Variants in ITSN1 observed in about 807,000 individuals in gnomAD.
The protein encoded by ITSN1 is intersectin-1.
Under a neutral mutation model 239.8 loss-of-function variants are expected in ITSN1, and 58 were observed. The observed-to-expected ratio is 0.24, with a 90% CI of 0.20 to 0.30. The LOEUF (loss-of-function observed/expected upper bound fraction) is 0.30. Ranked by LOEUF, ITSN1 falls within the 10% of genes least tolerant of loss-of-function variation. The pLI is 1.00. For missense variants in ITSN1, 1,558 were observed against 2,103.3 expected (o/e 0.74, Z 5.07); for synonymous variants, 780 against 770.8 (o/e 1.01, Z -0.20).
intron 1 of ITSN1, among the ~76,000 whole-genome samples, chr21:33,659,914 G>T (rs1287310519): frequency 1.3e-5 from 2 of 151,646 alleles, no homozygotes; most frequent in African/African-American, 4.8e-5. Context: ...GTAGAGATGG[G>T]ATCTCACTGG....
intron 1 of ITSN1, among the ~76,000 whole-genome samples, chr21:33,690,902 A>G (rs2146661346): frequency 7.2e-6 from 1 of 139,548 alleles, no homozygotes; most frequent in African/African-American, 2.7e-5. Context: ...TGACTCCATC[A>G]CCCCAATGGG....
Position 33,829,490 on chromosome 21 carries a change from G to T in ITSN1, c.3230-134G>T, listed in dbSNP as rs1019018026. 5.5e-6 allele frequency: 5 copies of T among 913,714 alleles called. No individual in the cohort carries two copies. In the African/African-American group the frequency reaches 6.7e-5, roughly 12 times the overall value. 56.6% of individuals were successfully genotyped at this position (913,714 alleles called of 1,614,324 possible). Reference sequence around the variant, plus strand: ...ACGGGCGATTCAGGGAGCCTTACTCGTTGGGTAGAAATCCAGCTCAATACA... The same window carrying T: ...ACGGGCGATTCAGGGAGCCTTACTCTTTGGGTAGAAATCCAGCTCAATACA... On this transcript the variant is annotated intron_variant, in intron 26 of 39. Transcript: ENST00000381318.
chr21:33,869,430 A>G (rs1384733484), intron 33 of ITSN1, among the ~76,000 whole-genome samples: 2 of 152,254 alleles, frequency 1.3e-5, no homozygotes, highest in Non-Finnish European at 2.9e-5. Flanking sequence ...CGATTCAATT[A>G]TCTCCACCTG....
At chr21:33,752,001 G>A (rs1243236480) in intron 7 of ITSN1, 95 bp downstream of exon 7, 2 of 843,412 alleles carry the variant, frequency 2.4e-6, no homozygotes, top group African/African-American at 1.7e-5. Flanking sequence ...TCTTTTTGTT[G>A]TTGTCATCTT....
In ITSN1 at chr21:33,864,138, G is replaced by T. The variant is rs141874886; in HGVS notation, c.3891-1013G>T. On this transcript the variant is annotated intron_variant, in intron 31 of 39. Coordinates refer to ENST00000381318, the MANE Select transcript of ITSN1 (RefSeq NM_003024.3). ...GAGCTTCCTTGGAATTCAATAGCCC[G>T]CCCCGTACCTCAAAGGCTTCTCCAA... Among the ~76,000 whole-genome samples, 45 of 152,246 alleles carry T rather than the reference G, an allele frequency of 3.0e-4. No individual in the cohort carries two copies. In the East Asian group the frequency reaches 8.3e-3, roughly 28 times the overall value.
chr21:33,825,739 T>C (rs1201163153), intron 25 of ITSN1, among the ~76,000 whole-genome samples: 2 of 152,254 alleles, frequency 1.3e-5, no homozygotes, highest in Non-Finnish European at 2.9e-5. Flanking sequence ...TTCCTTTTTT[T>C]GATATGCAGC....
chr21:33,654,807 T>C (rs1428422366), intron 1 of ITSN1, among the ~76,000 whole-genome samples: 1 of 152,210 alleles, frequency 6.6e-6, no homozygotes, highest in Non-Finnish European at 1.5e-5. Context: ...AGTAACTGTC[T>C]AAAGAGAAGC....
At chr21:33,787,172 T>A (rs1323432592) in intron 16 of ITSN1, among the ~76,000 whole-genome samples, 1 of 152,242 alleles carries the variant, frequency 6.6e-6, no homozygotes, top group African/African-American at 2.4e-5. Context: ...AGGTACTGTA[T>A]ACTGTAGTCT....
At position 33,801,919 on chromosome 21, in the gene ITSN1, G is replaced by A. The variant is rs887183667; in HGVS notation, c.2305-511G>A. 5.9e-5 allele frequency among the ~76,000 whole-genome samples: 9 copies of A among 152,212 alleles called. No homozygotes were observed. The East Asian group carries it at 1.3e-3, about 23-fold the overall frequency. ...TTCACCACCTGCTGTTTCCTACACC[G>A]TGGTTTCTGATAGCCTGAAGCTACT... On this transcript the variant is annotated intron_variant, in intron 19 of 39. Coordinates refer to ENST00000381318, the MANE Select transcript of ITSN1 (RefSeq NM_003024.3).
At chr21:33,712,977 A>G (rs112707962) in intron 1 of ITSN1, among the ~76,000 whole-genome samples, 2,926 of 152,106 alleles carry the variant, frequency 0.019, 60 homozygotes, top group African/African-American at 0.052. Context: ...TCCTGGGTTC[A>G]AGCGATTCTT....
At chr21:33,753,113 G>A (rs903642120) in intron 7 of ITSN1, among the ~76,000 whole-genome samples, 3 of 152,172 alleles carry the variant, frequency 2.0e-5, no homozygotes, top group Non-Finnish European at 2.9e-5. Flanking sequence ...GCAACAGAAC[G>A]TAACTCATAA....
intron 21 of ITSN1, among the ~76,000 whole-genome samples, chr21:33,811,772 A>T (rs192687086): frequency 2.6e-5 from 4 of 152,342 alleles, no homozygotes; most frequent in Admixed American, 1.3e-4. Context: ...ATGGCATTTT[A>T]AAAACTGTGT....
Position 33,672,717 on chromosome 21 carries a change from T to TC in ITSN1, c.-33+30004_-33+30005insC, listed in dbSNP as rs910864534. Among the ~76,000 whole-genome samples the TC allele has an allele frequency of 5.9e-5, 9 of 151,644 alleles. No individual in the cohort carries two copies. The South Asian group carries it at 1.5e-3, about 25-fold the overall frequency. ...CAATAGACAAGATATGGAAACGATT[T>TC]TTTTTTTTTTTTTGAGACGGAGTCT... On this transcript the variant is annotated intron_variant, in intron 1 of 39. Coordinates refer to ENST00000381318, the MANE Select transcript of ITSN1 (RefSeq NM_003024.3).
intron 31 of ITSN1, among the ~76,000 whole-genome samples, chr21:33,860,289 G>A (rs954860876): frequency 3.3e-5 from 5 of 150,522 alleles, no homozygotes; most frequent in Admixed American, 2.6e-4. Flanking sequence ...CCTGGGCCAC[G>A]GGAGTGAAAC....
intron 1 of ITSN1, among the ~76,000 whole-genome samples, chr21:33,676,916 A>G (rs926042858): frequency 2.0e-5 from 3 of 151,862 alleles, no homozygotes; most frequent in Admixed American, 6.6e-5. Flanking sequence ...ACAGAAAACC[A>G]AACACTGCAT....
Position 33,885,672 on chromosome 21 carries a change from C to T in ITSN1, c.4843+150C>T, listed in dbSNP as rs12626891. On this transcript the variant is annotated intron_variant, in intron 38 of 39. Transcript: ENST00000381318. ...TGGTTTAACTAGCACTTGTTAAAAA[C>T]CTGGAGGTTTTGTGTTTTTTTTTCC... 1,263 of 631,584 alleles carry T rather than the reference C, an allele frequency of 2.0e-3. 19 individuals carry two copies. In the East Asian group the frequency reaches 0.03, roughly 15 times the overall value. The allele number at this position is 631,584 out of a possible 1,614,324, so 39.1% of individuals were successfully genotyped here. A position where few individuals can be genotyped will look rare whatever the true frequency, so the allele number is the denominator to read the frequency against.
intron 24 of ITSN1, 80 bp downstream of exon 24, chr21:33,819,403 C>T: frequency 4.9e-6 from 5 of 1,012,218 alleles, no homozygotes; most frequent in Non-Finnish European, 7.7e-6. Context: ...TGAATTTCAT[C>T]TTAAGATAGA....
intron 24 of ITSN1, 139 bp from the exon 25 acceptor site, chr21:33,823,348 G>T: frequency 1.4e-6 from 1 of 727,216 alleles, no homozygotes; most frequent in Non-Finnish European, 2.3e-6. Flanking sequence ...CTGCAGCTCT[G>T]TATTTTATCT....
At chr21:33,799,721 G>C in intron 18 of ITSN1, 87 bp from the exon 19 acceptor site, 1 of 1,396,124 alleles carries the variant, frequency 7.2e-7, no homozygotes, top group Non-Finnish European at 9.9e-7. Context: ...GGCAATAGAG[G>C]AGAGGTTAGT....
Sources: allele counts gnomAD v4.1 joint callset (sites outside exome capture counted in the v4.1 genomes callset), GRCh38; gene constraint gnomAD v4.1.1; transcripts MANE v1.5; gene names NCBI Gene and HGNC (gene_info 2026-07-23, HGNC 2026-07-21).